Variants in NLRP4 observed in about 807,000 individuals in gnomAD.
NLRP4 encodes NACHT, LRR and PYD domains-containing protein 4.
A neutral mutation model predicts 84.7 loss-of-function variants in NLRP4; 44 were observed. That is an observed-to-expected ratio of 0.52 (90% CI 0.41 to 0.67). The LOEUF (loss-of-function observed/expected upper bound fraction) is 0.67. Ranked by LOEUF, NLRP4 falls within the 30% of genes least tolerant of loss-of-function variation. NLRP4 has a pLI of 0.00. For missense variants in NLRP4, 1,260 were observed against 1,219.4 expected, an observed-to-expected ratio of 1.03 and a Z score of -0.50; for synonymous variants, 544 against 476.4, an observed-to-expected ratio of 1.14 and a Z score of -1.85.
chr19:55,846,587 T>C lies in NLRP4; in HGVS notation c.-65-5429T>C, dbSNP rs137933925. On this transcript the variant is annotated intron_variant, in intron 1 of 9. Transcript: ENST00000301295. ...TATAACTGATGTTATATAACAGATA[T>C]ATAACTGATATTATATATCTAATAT... 5.5e-3 allele frequency among the ~76,000 whole-genome samples: 841 copies of C among 152,278 alleles called. 14 individuals carry two copies. The highest frequency in any genetic ancestry group is 0.02 in the Middle Eastern group (6 of 294).
intron 5 of NLRP4, among the ~76,000 whole-genome samples, chr19:55,866,000 A>G (rs758908730): frequency 6.6e-6 from 1 of 151,992 alleles, no homozygotes; most frequent in African/African-American, 2.4e-5. Flanking sequence ...CCTAACCCAA[A>G]TTCATTAAGA....
rs112164533 is a variant in NLRP4 at position 55,850,808 on chromosome 19, T to A, written c.-65-1208T>A. On this transcript the variant is annotated intron_variant, in intron 1 of 9. Transcript: ENST00000301295. ...TAATTCCCGAGGCTGCGGTGTAATTTCCGAGGCTGCGGTGTAATGTCCGAG... is the reference window on the plus strand; with the variant it reads ...TAATTCCCGAGGCTGCGGTGTAATTACCGAGGCTGCGGTGTAATGTCCGAG... 9.8e-5 allele frequency among the ~76,000 whole-genome samples: 3 copies of A among 30,480 alleles called. 1 individual carries two copies. In the East Asian group the frequency reaches 3.2e-3, roughly 32 times the overall value. 20.0% of individuals were successfully genotyped at this position (30,480 alleles called of 152,430 possible).
chr19:55,875,167 T>C (rs570643716), intron 7 of NLRP4, among the ~76,000 whole-genome samples: 16 of 152,216 alleles, frequency 1.1e-4, no homozygotes, highest in Non-Finnish European at 2.2e-4. Context: ...TTCTCTTCAA[T>C]ATCATGAAAA....
intron 3 of NLRP4, among the ~76,000 whole-genome samples, chr19:55,861,142 C>T (rs1984732898): frequency 6.6e-6 from 1 of 152,084 alleles, no homozygotes; most frequent in Admixed American, 6.5e-5. Flanking sequence ...AGCACCCCTC[C>T]CTTAAGCTCT....
At position 55,857,970 on chromosome 19, in the gene NLRP4, C is replaced by G; in HGVS notation, c.577C>G (p.Leu193Val). Reference sequence around the variant, plus strand: ...CACGTTCTATTTCTGCTGCAGAGAACTGAGGGAGTTGCCGCCAACGAGTTT... The same window carrying G: ...CACGTTCTATTTCTGCTGCAGAGAAGTGAGGGAGTTGCCGCCAACGAGTTT... Reference protein sequence around the residue: ...LYTFYFCCRELRELPPTSLAD... With the variant: ...LYTFYFCCREVRELPPTSLAD... Residue 193 changes from leucine to valine, a missense_variant, in exon 3 of 10, where the codon CTG becomes GTG. By Grantham distance (32) the Leu-to-Val change is conservative (BLOSUM62 1). Coordinates refer to ENST00000301295, the MANE Select transcript of NLRP4 (RefSeq NM_134444.5). 6.2e-7 allele frequency: 1 copy of G among 1,614,108 alleles called. No individual in the cohort carries two copies. Among genetic ancestry groups the G allele is most frequent in the South Asian group, 1.1e-5 (1 of 91,074 alleles).
chr19:55,845,987 G>T (rs549861653), intron 1 of NLRP4, among the ~76,000 whole-genome samples: 1 of 152,258 alleles, frequency 6.6e-6, no homozygotes, highest in South Asian at 2.1e-4. Flanking sequence ...TGATCACTCT[G>T]ATGGTGGTTT....
In NLRP4 at chr19:55,840,344, ATGTGTGTG is replaced by A. The variant is rs762148583; in HGVS notation, c.-66+3436_-66+3443del. Reference sequence around the variant, plus strand: ...TGTGTATAGACATATGTGTATGTGTATGTGTGTGTGTGTGTGTGTGTGTGTGTGTGTGT... The same window carrying A: ...TGTGTATAGACATATGTGTATGTGTATGTGTGTGTGTGTGTGTGTGTGTGT... On this transcript the variant is annotated intron_variant, in intron 1 of 9. Transcript: ENST00000301295. Among the ~76,000 whole-genome samples, 38 of 119,718 alleles carry A rather than the reference ATGTGTGTG, an allele frequency of 3.2e-4. No individual in the cohort carries two copies. The Middle Eastern group carries it at 0.013, about 40-fold the overall frequency. The allele number at this position is 119,718 out of a possible 152,430, so 78.5% of individuals were successfully genotyped here.
chr19:55,863,960 G>T (rs1984859826), intron 5 of NLRP4, among the ~76,000 whole-genome samples: 1 of 151,972 alleles, frequency 6.6e-6, no homozygotes, highest in African/African-American at 2.4e-5. Flanking sequence ...ATTTTTCTGA[G>T]CTTGCATCAA....
At chr19:55,873,416 A>G (rs1212095226) in intron 7 of NLRP4, among the ~76,000 whole-genome samples, 1 of 152,226 alleles carries the variant, frequency 6.6e-6, no homozygotes, top group Non-Finnish European at 1.5e-5. Flanking sequence ...TTGAACAGGT[A>G]AGAAAATATG....
chr19:55,837,334 T>G (rs1983373299), intron 1 of NLRP4, among the ~76,000 whole-genome samples: 1 of 152,110 alleles, frequency 6.6e-6, no homozygotes, highest in Non-Finnish European at 1.5e-5. Flanking sequence ...ATAACCAGTG[T>G]ATATGTACCC....
chr19:55,879,278 G>A (rs1185864638), intron 9 of NLRP4, among the ~76,000 whole-genome samples: 1 of 152,154 alleles, frequency 6.6e-6, no homozygotes, highest in Non-Finnish European at 1.5e-5. Flanking sequence ...CAAAGAGTGA[G>A]GTTAAGAGCA....
rs535457225 is a variant in NLRP4, at chr19:55,858,304, A to G, written c.911A>G (p.Glu304Gly). ...ATCTACCAGCCCCGGGGATTCAACG[A>G]GAGTGATAGGTTAGTGTATTTCTGC... ...SEIYQPRGFN[E>G]SDRLVYFCCF... is the part of the protein sequence containing the mutation. Residue 304 changes from glutamate to glycine, a missense_variant, in exon 3 of 10, where the codon GAG (glutamate) becomes GGG (glycine). Glu to Gly is a moderately conservative substitution (Grantham distance 98). Around this residue, in one of 3 missense-constraint regions of NLRP4, gnomAD observed 712 missense variants for 669.2 expected, o/e 1.06. Coordinates refer to ENST00000301295, the MANE Select transcript of NLRP4 (RefSeq NM_134444.5). This position sits in a 1 kb window ranked among gnomAD's most constrained non-coding sequence, Gnocchi z 4.2. 65 of 1,614,188 alleles carry G rather than the reference A, an allele frequency of 4.0e-5. 2 individuals carry two copies. The South Asian group carries it at 7.0e-4, about 17-fold the overall frequency.
At chr19:55,845,859 C>G (rs1382367325) in intron 1 of NLRP4, among the ~76,000 whole-genome samples, 1 of 123,416 alleles carries the variant, frequency 8.1e-6, no homozygotes, top group African/African-American at 5.2e-5. Context: ...CCTTTGCCCA[C>G]TTTTTGATGG....
Position 55,873,335 on chromosome 19 carries a change from C to T in NLRP4, c.2525+2338C>T, listed in dbSNP as rs548665049. ...AAAGGGGTAAATTAAGGTGAATACT[C>T]AAATTAGCAGAAAAGAGGAGACAGA... On this transcript the variant is annotated intron_variant, in intron 7 of 9. Transcript: ENST00000301295. 2.0e-5 allele frequency among the ~76,000 whole-genome samples: 3 copies of T among 151,888 alleles called. No individual in the cohort carries two copies. In the East Asian group the frequency reaches 5.8e-4, roughly 29 times the overall value.
intron 1 of NLRP4, among the ~76,000 whole-genome samples, chr19:55,838,030 G>A (rs1357082381): frequency 2.0e-5 from 3 of 149,954 alleles, no homozygotes; most frequent in Non-Finnish European, 4.4e-5. Flanking sequence ...AATGAGACTC[G>A]GTCTCAAGCT....
rs572742927 is a variant in NLRP4 at position 55,875,103 on chromosome 19, A to C, written c.2526-1893A>C. Among the ~76,000 whole-genome samples the C allele has an allele frequency of 3.3e-5, 5 of 152,332 alleles. No individual in the cohort carries two copies. In the South Asian group the frequency reaches 1.0e-3, roughly 32 times the overall value. On this transcript the variant is annotated intron_variant, in intron 7 of 9. Coordinates refer to ENST00000301295, the MANE Select transcript of NLRP4 (RefSeq NM_134444.5). ...TGGGAACTTCCTTGATGATCTAAAG[A>C]ATATGTTCAAAAAAATCTAAAGCAA...
At chr19:55,845,295 C>G (rs1403357309) in intron 1 of NLRP4, among the ~76,000 whole-genome samples, 1 of 150,690 alleles carries the variant, frequency 6.6e-6, no homozygotes, top group Non-Finnish European at 1.5e-5. Flanking sequence ...TTTGTCCTTG[C>G]AATAGTTTGC....
rs371476732 is a variant in NLRP4, at chr19:55,860,785, C to T, written c.1857-601C>T. On this transcript the variant is annotated intron_variant, in intron 3 of 9. Coordinates refer to ENST00000301295, the MANE Select transcript of NLRP4 (RefSeq NM_134444.5). ...GCCTCATCTTTTACTGTAAACCAGC[C>T]TGACCAACATGGCGAAACCCCGTCT... 7.2e-5 allele frequency among the ~76,000 whole-genome samples: 11 copies of T among 152,178 alleles called. 1 individual carries two copies. The South Asian group carries it at 1.7e-3, about 23-fold the overall frequency.
rs59852975 is a variant in NLRP4, at chr19:55,855,134, C to G, written c.281-2540C>G. 3.0e-3 allele frequency among the ~76,000 whole-genome samples: 463 copies of G among 152,250 alleles called. 4 individuals carry two copies. The highest frequency in any genetic ancestry group is 0.011 in the African/African-American group (448 of 41,556). On this transcript the variant is annotated intron_variant, in intron 2 of 9. Transcript: ENST00000301295. ...CTGAGGCAGGAGGATCACTTCAGCC[C>G]AGGAGGATGAGGCTGCAGTGAGCTG...
Sources: allele counts gnomAD v4.1 joint callset (sites outside exome capture counted in the v4.1 genomes callset), GRCh38; gene constraint gnomAD v4.1.1; regional missense constraint gnomAD v4.1.1; non-coding constraint Gnocchi (gnomAD v3.1); transcripts MANE v1.5; gene names NCBI Gene and HGNC (gene_info 2026-07-23, HGNC 2026-07-21).